Variants in HPS5 observed in about 807,000 individuals in gnomAD.
HPS5 encodes BLOC-2 complex member HPS5.
A neutral mutation model predicts 128.0 loss-of-function variants in HPS5; 83 were observed. That is an observed-to-expected ratio of 0.65 (90% confidence interval 0.54 to 0.78). HPS5 has a LOEUF of 0.78. Among genes scored for constraint, HPS5 ranks in the 30% least tolerant of loss-of-function variants. The probability of loss-of-function intolerance (pLI) is 0.00; values close to 1 mark genes in which losing one functional copy is unlikely to be tolerated. For synonymous variants in HPS5, 475 were observed against 470.2 expected (o/e 1.01, Z -0.13); for missense variants, 1,281 against 1,326.2 (o/e 0.97, Z 0.53).
intron 21 of HPS5, among the ~76,000 whole-genome samples, chr11:18,282,713 G>T (rs541125697): frequency 1.2e-4 from 18 of 152,048 alleles, no homozygotes; most frequent in Admixed American, 7.9e-4. Flanking sequence ...ACTTAAACAC[G>T]TAAGTATATA....
intron 19 of HPS5, 72 bp downstream of exon 19, chr11:18,286,519 G>T (rs1859743575): frequency 1.4e-6 from 2 of 1,463,316 alleles, no homozygotes; most frequent in Non-Finnish European, 9.4e-7. Flanking sequence ...TCCAGCCTAG[G>T]CGACAGAGTG....
In HPS5 at chr11:18,300,832, G is replaced by A. The variant is rs141140267; in HGVS notation, c.981C>T (p.Val327=). The change falls in exon 9 of 23, where the codon GTC becomes GTT. Residue 327 remains valine, a synonymous_variant. Transcript: ENST00000349215. ...QNVQVLLWSE[V]KDIQDVAVCR... The stretch of plus-strand genomic sequence containing the variant: ...TACAAAGAAAAATATAATTACCTTT[G>A]ACTTCACTCCAAAGAAGAACTTGAA... The A allele has an allele frequency of 1.3e-6, 2 of 1,486,684 alleles. No homozygotes were observed. The highest frequency in any genetic ancestry group is 2.3e-5 in the East Asian group (1 of 43,982). 92.1% of individuals were successfully genotyped at this position (1,486,684 alleles called of 1,614,324 possible). A position where few individuals can be genotyped will look rare whatever the true frequency, so the allele number is the denominator to read the frequency against.
At chr11:18,294,918 G>A (rs1276074720) in intron 14 of HPS5, 102 bp downstream of exon 14, 1 of 1,223,954 alleles carries the variant, frequency 8.2e-7, no homozygotes, top group Non-Finnish European at 1.2e-6. Flanking sequence ...TGGAACACAT[G>A]AGGCCCACGG....
chr11:18,286,291 T>TC (rs1489034286), intron 19 of HPS5, among the ~76,000 whole-genome samples: 1 of 152,126 alleles, frequency 6.6e-6, no homozygotes, highest in Non-Finnish European at 1.5e-5. Context: ...ACGCCTCTAA[T>TC]CCCAGCACTT....
chr11:18,298,736 A>G, intron 10 of HPS5, 56 bp downstream of exon 10: 1 of 1,555,674 alleles, frequency 6.4e-7, no homozygotes, highest in African/African-American at 1.4e-5. Flanking sequence ...CAATCTTGCA[A>G]GGTAGGAGAG....
At position 18,296,055 on chromosome 11, in the gene HPS5, A is replaced by C. The variant is rs757744690; in HGVS notation, c.1578T>G (p.Ile526Met). 1 of 1,613,444 alleles carries C rather than the reference A, an allele frequency of 6.2e-7. No individual in the cohort carries two copies. Among genetic ancestry groups the C allele is most frequent in the East Asian group, 2.2e-5 (1 of 44,884 alleles). ...DKNETFLPFGIPLPFRSPSPL... is the reference protein window; with the variant it reads ...DKNETFLPFGMPLPFRSPSPL... ...GAGATGGAGAACGAAATGGTAATGG[A>C]ATGCCGAACGGGAGAAAAGTTTCAT... The change falls in exon 13 of 23, where the codon ATT (isoleucine) becomes ATG (methionine). Residue 526 changes from isoleucine to methionine, a missense_variant. Ile to Met is a conservative substitution (Grantham distance 10). Transcript: ENST00000349215.
intron 1 of HPS5, among the ~76,000 whole-genome samples, chr11:18,319,494 A>C (rs1864053178): frequency 6.6e-6 from 1 of 152,202 alleles, no homozygotes; most frequent in Non-Finnish European, 1.5e-5. Flanking sequence ...AAAATGCAGA[A>C]TATACTAGAA....
In HPS5 at chr11:18,310,760, T is replaced by C. The variant is rs373461399; in HGVS notation, c.458A>G (p.Asn153Ser). The C allele has an allele frequency of 1.2e-6, 2 of 1,613,868 alleles. No homozygotes were observed. Among genetic ancestry groups the C allele is most frequent in the Non-Finnish European group, 8.5e-7 (1 of 1,179,768 alleles). ...HAGKVSAIKL[N>S]TSKQAKAAAA... ...TCTCACCTTTGCTTGTTTAGAAGTA[T>C]TGAGTTTGATAGCAGAAACCTTCCC... The change falls in exon 5 of 23, where the codon AAT becomes AGT. Residue 153 changes from asparagine (N) to serine (S), a missense_variant. Physicochemically the swap from Asn to Ser is conservative, Grantham distance 46. Coordinates refer to ENST00000349215, the MANE Select transcript of HPS5 (RefSeq NM_181507.2).
chr11:18,311,131 A>G (rs1271297782), intron 4 of HPS5, among the ~76,000 whole-genome samples, 198 bp from the exon 5 acceptor site: 1 of 152,208 alleles, frequency 6.6e-6, no homozygotes. Flanking sequence ...AATGATCTAA[A>G]TTATCTCTGT....
At chr11:18,305,034 A>G (rs1862189290) in intron 8 of HPS5, among the ~76,000 whole-genome samples, 2 of 152,218 alleles carry the variant, frequency 1.3e-5, no homozygotes, top group South Asian at 4.1e-4. Context: ...CCAAGCTTAC[A>G]AGAACAAGTT....
At chr11:18,321,520 T>C (rs200365643) in intron 1 of HPS5, among the ~76,000 whole-genome samples, 2 of 152,132 alleles carry the variant, frequency 1.3e-5, no homozygotes, top group Non-Finnish European at 2.9e-5. Flanking sequence ...GATCACAGAG[T>C]TCATAAATGG....
chr11:18,286,836 T>C (rs531911629), intron 18 of HPS5, 126 bp from the exon 19 acceptor site: 3 of 1,258,762 alleles, frequency 2.4e-6, no homozygotes, highest in Non-Finnish European at 3.4e-6. Flanking sequence ...TGAAAACTCT[T>C]CTGCTACAAA....
intron 14 of HPS5, among the ~76,000 whole-genome samples, chr11:18,293,669 A>C (rs1360861062): frequency 6.6e-6 from 1 of 152,208 alleles, no homozygotes; most frequent in Non-Finnish European, 1.5e-5. Flanking sequence ...CAGCATTGTG[A>C]TATGAAAGCA....
chr11:18,296,320 G>A (rs955553553), intron 12 of HPS5, 198 bp from the exon 13 acceptor site: 12 of 592,390 alleles, frequency 2.0e-5, no homozygotes, highest in African/African-American at 1.5e-4. Flanking sequence ...ACCGAGGCAG[G>A]TACCTTCATT....
At position 18,282,605 on chromosome 11, in the gene HPS5, G is replaced by A. The variant is rs368133520; in HGVS notation, c.3059-385C>T. Among the ~76,000 whole-genome samples, 27 of 151,960 alleles carry A rather than the reference G, an allele frequency of 1.8e-4. No individual in the cohort carries two copies. In the East Asian group the frequency reaches 2.5e-3, roughly 14 times the overall value. On this transcript the variant is annotated intron_variant, in intron 21 of 22. Coordinates refer to ENST00000349215, the MANE Select transcript of HPS5 (RefSeq NM_181507.2). ...CTTTCAACCACTCAGTAATTACCCA[G>A]GGCATATCCTATGCTAAGCACTGGA...
chr11:18,304,194 G>C (rs1335755779), intron 8 of HPS5, among the ~76,000 whole-genome samples: 1 of 151,134 alleles, frequency 6.6e-6, no homozygotes, highest in East Asian at 1.9e-4. Context: ...AGTTACTAAA[G>C]TGTTATAATG....
chr11:18,319,940 G>C (rs1864120150), intron 1 of HPS5, among the ~76,000 whole-genome samples: 2 of 152,040 alleles, frequency 1.3e-5, no homozygotes, highest in Non-Finnish European at 2.9e-5. Context: ...CCAAGAGATG[G>C]AAAGGAATGA....
At chr11:18,290,291 T>C (rs1280802003) in intron 16 of HPS5, among the ~76,000 whole-genome samples, 1 of 152,218 alleles carries the variant, frequency 6.6e-6, no homozygotes, top group Non-Finnish European at 1.5e-5. Flanking sequence ...GAGCAAGAAA[T>C]ACACTTCTAT....
At chr11:18,317,257 A>T (rs1201021990) in intron 2 of HPS5, among the ~76,000 whole-genome samples, 9 of 132,018 alleles carry the variant, frequency 6.8e-5, no homozygotes, top group African/African-American at 1.1e-4. Context: ...GGCCTGATAA[A>T]TTTTTTTTTT....
Sources: gnomAD v4.1 joint callset for allele counts (sites outside exome capture counted in the v4.1 genomes callset) on GRCh38, gnomAD v4.1.1 for gene constraint, MANE v1.5 for transcripts, NCBI Gene and HGNC (gene_info 2026-07-23, HGNC 2026-07-21) for gene names.